The following NEBL variants were observed in gnomAD, a reference collection of about 807,000 sequenced individuals.
NEBL encodes nebulette.
Under a neutral mutation model 140.2 loss-of-function variants are expected in NEBL, and 122 were observed. That is an observed-to-expected ratio of 0.87 (90% CI 0.75 to 1.01). The LOEUF (loss-of-function observed/expected upper bound fraction) is 1.01. NEBL is among the 50% of genes least tolerant of loss of function. The pLI, the probability that NEBL is intolerant of heterozygous loss-of-function variation, is 0.00. For missense variants in NEBL, 1,365 were observed against 1,231.3 expected (o/e 1.11, Z -1.62); for synonymous variants, 436 against 398.9 (o/e 1.09, Z -1.11).
At chr10:21,003,003 C>CT (rs10539676) in intron 3 of NEBL, among the ~76,000 whole-genome samples, 4 of 127,760 alleles carry the variant, frequency 3.1e-5, no homozygotes, top group Admixed American at 1.5e-4. Flanking sequence ...CATTATGTGG[C>CT]TTTTTTTTTT....
At chr10:20,811,169 T>C (rs1358479103) in intron 24 of NEBL, among the ~76,000 whole-genome samples, 2 of 152,248 alleles carry the variant, frequency 1.3e-5, no homozygotes, top group Non-Finnish European at 2.9e-5. Context: ...AACTGACTTC[T>C]GGATTGCCAA....
intron 11 of NEBL, among the ~76,000 whole-genome samples, chr10:20,850,136 T>C (rs1263557287): frequency 6.6e-6 from 1 of 152,270 alleles, no homozygotes; most frequent in African/African-American, 2.4e-5. Flanking sequence ...TATATTATCA[T>C]AGAAAATTAG....
intron 2 of NEBL, among the ~76,000 whole-genome samples, chr10:21,162,294 A>G (rs1257277106): frequency 6.6e-6 from 1 of 152,156 alleles, no homozygotes; most frequent in Non-Finnish European, 1.5e-5. Context: ...TAAAACAATC[A>G]TCTTAAGTAG....
chr10:20,865,853 G>A (rs1293030190), intron 7 of NEBL, among the ~76,000 whole-genome samples: 1 of 152,074 alleles, frequency 6.6e-6, no homozygotes, highest in Admixed American at 6.6e-5. Flanking sequence ...CCTCTCCCAG[G>A]GAGCAGTTGT....
At chr10:21,011,710 G>A (rs1328599752) in intron 3 of NEBL, among the ~76,000 whole-genome samples, 3 of 152,094 alleles carry the variant, frequency 2.0e-5, no homozygotes, top group Non-Finnish European at 2.9e-5. Context: ...GTAACCCTGT[G>A]GTGTGTTCTT....
chr10:21,169,104 A>G (rs1252739152), intron 2 of NEBL, among the ~76,000 whole-genome samples: 1 of 129,014 alleles, frequency 7.8e-6, no homozygotes, highest in African/African-American at 2.8e-5. Context: ...ATATATATAT[A>G]TATTTGGACA....
chr10:20,941,690 G>A (rs1012257936), intron 4 of NEBL, among the ~76,000 whole-genome samples: 2 of 151,852 alleles, frequency 1.3e-5, no homozygotes, highest in African/African-American at 2.4e-5. Flanking sequence ...AAACCCCATC[G>A]TCTCAGCCCA....
intron 2 of NEBL, among the ~76,000 whole-genome samples, chr10:21,066,936 A>T (rs1835576574): frequency 6.7e-6 from 1 of 149,396 alleles, no homozygotes; most frequent in East Asian, 2.0e-4. Context: ...GACACAAAAG[A>T]TGCTTAAAGA....
At chr10:20,994,181 T>A (rs759854249) in intron 3 of NEBL, among the ~76,000 whole-genome samples, 3 of 152,262 alleles carry the variant, frequency 2.0e-5, no homozygotes, top group Non-Finnish European at 4.4e-5. Context: ...TGAATTACGC[T>A]GACCTGAAAG....
At chr10:21,113,889 T>A (rs1838161269) in intron 2 of NEBL, among the ~76,000 whole-genome samples, 1 of 152,070 alleles carries the variant, frequency 6.6e-6, no homozygotes, top group East Asian at 1.9e-4. Flanking sequence ...TTCTCTATTA[T>A]TTTTGTTTTT....
chr10:21,137,134 T>G (rs1009457361), intron 2 of NEBL, among the ~76,000 whole-genome samples: 3 of 152,228 alleles, frequency 2.0e-5, no homozygotes, highest in African/African-American at 7.2e-5. Flanking sequence ...TAGTCCTGAC[T>G]CTATCACTTA....
chr10:21,108,106 A>C (rs1837806118), intron 2 of NEBL, among the ~76,000 whole-genome samples: 1 of 152,144 alleles, frequency 6.6e-6, no homozygotes, highest in South Asian at 2.1e-4. Context: ...ATCTTTTCAA[A>C]AAAACAGCTC....
At chr10:21,139,645 A>G (rs1372571976) in intron 2 of NEBL, among the ~76,000 whole-genome samples, 3 of 152,328 alleles carry the variant, frequency 2.0e-5, no homozygotes, top group African/African-American at 4.8e-5. Flanking sequence ...AAACAATTGT[A>G]TAAGAGGCAC....
intron 16 of NEBL, 148 bp from the exon 17 acceptor site, chr10:20,828,782 AGGTG>A: frequency 4.9e-6 from 3 of 616,122 alleles, no homozygotes; most frequent in East Asian, 2.8e-5. Flanking sequence ...AGAGAGAGAG[AGGTG>A]GAGAGACAGA....
chr10:21,022,886 T>C (rs780885346), intron 2 of NEBL, among the ~76,000 whole-genome samples: 3 of 152,254 alleles, frequency 2.0e-5, no homozygotes, highest in Non-Finnish European at 4.4e-5. Flanking sequence ...ACCAGAGTTA[T>C]TGATTCAAAC....
chr10:21,245,281 C>G (rs1842501503), intron 3 of NEBL, among the ~76,000 whole-genome samples: 3 of 152,204 alleles, frequency 2.0e-5, no homozygotes, highest in South Asian at 4.1e-4. Context: ...CCTGTAGAAA[C>G]AGTGAGTTTG....
chr10:20,939,788 G>A (rs981177149), intron 4 of NEBL, among the ~76,000 whole-genome samples: 1 of 152,190 alleles, frequency 6.6e-6, no homozygotes, highest in Admixed American at 6.5e-5. Flanking sequence ...TGCAATCCTA[G>A]TCTCTGATAA....
At chr10:20,956,122 A>G (rs1012655833) in intron 4 of NEBL, among the ~76,000 whole-genome samples, 29 of 152,198 alleles carry the variant, frequency 1.9e-4, no homozygotes, top group African/African-American at 7.0e-4. Flanking sequence ...TCTGCTCTAC[A>G]TGGAAAAATA....
intron 17 of NEBL, among the ~76,000 whole-genome samples, chr10:20,827,563 T>A (rs1839993994): frequency 6.6e-6 from 1 of 152,218 alleles, no homozygotes; most frequent in South Asian, 2.1e-4. Context: ...TATGGTCAAT[T>A]TTTACAATTT....
Sources: allele counts gnomAD v4.1 joint callset (sites outside exome capture counted in the v4.1 genomes callset), GRCh38; gene constraint gnomAD v4.1.1; transcripts MANE v1.5; gene names NCBI Gene and HGNC (gene_info 2026-07-23, HGNC 2026-07-21).